FAM120B: variants seen among roughly 807,000 people sequenced by gnomAD.
FAM120B encodes constitutive coactivator of peroxisome proliferator-activated receptor gamma.
FAM120B carries 83 observed loss-of-function variants against 96.3 expected under a neutral mutation model. The observed-to-expected ratio is 0.86, with a 90% CI of 0.72 to 1.03. FAM120B has a LOEUF of 1.03. Ranked by LOEUF, FAM120B falls within the 50% of genes least tolerant of loss-of-function variation. FAM120B has a pLI of 0.00. For missense variants in FAM120B, 1,027 were observed against 1,121.2 expected, an observed-to-expected ratio of 0.92 and a Z score of 1.20; for synonymous variants, 407 against 402.7, an observed-to-expected ratio of 1.01 and a Z score of -0.13.
chr6:170,349,257 C>G (rs1787419149), intron 5 of FAM120B, among the ~76,000 whole-genome samples: 1 of 152,224 alleles, frequency 6.6e-6, no homozygotes, highest in Admixed American at 6.5e-5. Flanking sequence ...TTCACTCCTT[C>G]AAGCCATCGT....
chr6:170,401,250 A>C (rs1778567487), intron 9 of FAM120B, among the ~76,000 whole-genome samples: 1 of 152,170 alleles, frequency 6.6e-6, no homozygotes, highest in African/African-American at 2.4e-5. Context: ...TCCAGAGGCC[A>C]CCATGGTTTC....
chr6:170,300,895 C>A (rs1283721390), intron 1 of FAM120B, among the ~76,000 whole-genome samples: 1 of 147,408 alleles, frequency 6.8e-6, no homozygotes, highest in South Asian at 2.1e-4. Flanking sequence ...GCAGGGTAAA[C>A]CCCCCCCTCC....
chr6:170,300,523 T>G (rs1462957050), intron 1 of FAM120B, among the ~76,000 whole-genome samples: 2 of 152,166 alleles, frequency 1.3e-5, no homozygotes, highest in African/African-American at 4.8e-5. Context: ...AACACAATCA[T>G]ACCTGCCCAA....
chr6:170,337,771 G>T (rs1786539474), intron 4 of FAM120B, among the ~76,000 whole-genome samples: 1 of 152,150 alleles, frequency 6.6e-6, no homozygotes, highest in African/African-American at 2.4e-5. Flanking sequence ...AGGTGTATGT[G>T]TCCAGGAATT....
At chr6:170,319,444 G>A (rs749475102) in intron 2 of FAM120B, among the ~76,000 whole-genome samples, 1 of 152,144 alleles carries the variant, frequency 6.6e-6, no homozygotes, top group Non-Finnish European at 1.5e-5. Flanking sequence ...AAAGCAGGTG[G>A]GTCACCTGAG....
chr6:170,391,122 G>C lies in FAM120B; in HGVS notation c.2599+1G>C, dbSNP rs1790458388. On this transcript the variant is annotated splice_donor_variant, in intron 8 of 10. Coordinates refer to ENST00000476287, the MANE Select transcript of FAM120B (RefSeq NM_032448.3). LOFTEE classifies it high-confidence loss of function. ...GCCCACTGGGGCTCACACCACGCAG[G>C]TGGGAAAGGGCCAGGTGCCTCTAGA... 3 of 1,610,114 alleles carry C rather than the reference G, an allele frequency of 1.9e-6. No individual in the cohort carries two copies. The highest frequency in any genetic ancestry group is 2.5e-6 in the Non-Finnish European group (3 of 1,176,550).
In FAM120B at chr6:170,363,021, G is replaced by A. The variant is rs1247284765; in HGVS notation, c.2283+4703G>A. Among the ~76,000 whole-genome samples the A allele has an allele frequency of 6.6e-6, 1 of 152,002 alleles. No homozygotes were observed. Among genetic ancestry groups the A allele is most frequent in the African/African-American group, 2.4e-5 (1 of 41,388 alleles). Reference sequence around the variant, plus strand: ...TAAATGAGCTCTTGCTCTCTTTTTGGAGAAAAAGCCGAGAAATTCCTCTGC... The same window carrying A: ...TAAATGAGCTCTTGCTCTCTTTTTGAAGAAAAAGCCGAGAAATTCCTCTGC... On this transcript the variant is annotated intron_variant, in intron 6 of 10. Coordinates refer to ENST00000476287, the MANE Select transcript of FAM120B (RefSeq NM_032448.3). This position sits in a 1 kb window ranked among gnomAD's most constrained non-coding sequence, Gnocchi z 4.5.
chr6:170,301,069 C>T (rs1784130751), intron 1 of FAM120B, among the ~76,000 whole-genome samples: 1 of 152,242 alleles, frequency 6.6e-6, no homozygotes, highest in Non-Finnish European at 1.5e-5. Flanking sequence ...GATATGACCC[C>T]ACATTTCCTT....
intron 9 of FAM120B, among the ~76,000 whole-genome samples, chr6:170,402,962 T>A (rs577856683): frequency 1.3e-5 from 2 of 152,168 alleles, no homozygotes; most frequent in East Asian, 3.9e-4. Flanking sequence ...CAAAGAGTGG[T>A]GATGCGTGTG....
intron 9 of FAM120B, among the ~76,000 whole-genome samples, chr6:170,402,071 A>G (rs1440871366): frequency 1.3e-5 from 2 of 152,196 alleles, no homozygotes; most frequent in African/African-American, 2.4e-5. Flanking sequence ...GTCCCTCATC[A>G]TCTTTGCTGT....
intron 2 of FAM120B, among the ~76,000 whole-genome samples, chr6:170,320,928 G>A (rs1320600953): frequency 2.0e-5 from 3 of 152,220 alleles, no homozygotes; most frequent in Admixed American, 6.5e-5. Flanking sequence ...GGTAGAATAG[G>A]ACTAGACATA....
chr6:170,291,131 C>A (rs1299313589), upstream of FAM120B: 110 of 635,878 alleles, frequency 1.7e-4, no homozygotes, highest in Admixed American at 2.2e-3. Context: ...CCCGCCCCCC[C>A]AGTCCTCCCC....
chr6:170,318,175 ACAT>A lies in FAM120B; in HGVS notation c.789_791del (p.Ile264del), dbSNP rs1785027105. The A allele has an allele frequency of 6.2e-7, 1 of 1,614,242 alleles. No homozygotes were observed. The highest frequency in any genetic ancestry group is 8.5e-7 in the Non-Finnish European group (1 of 1,180,046). On this transcript the variant is annotated inframe_deletion, in exon 2 of 11. Coordinates refer to ENST00000476287, the MANE Select transcript of FAM120B (RefSeq NM_032448.3). ...AAAGAGAACTTTGACAAAAAAGGTA[ACAT>A]CATATTAGCTGTGTCAGACCATATA...
At chr6:170,298,720 C>T (rs1048218197) in intron 1 of FAM120B, among the ~76,000 whole-genome samples, 16 of 152,080 alleles carry the variant, frequency 1.1e-4, no homozygotes, top group African/African-American at 3.4e-4. Context: ...TGAGACTGTT[C>T]TTATTCCTGT....
intron 1 of FAM120B, among the ~76,000 whole-genome samples, chr6:170,312,982 A>G (rs1411152581): frequency 1.3e-5 from 2 of 152,202 alleles, no homozygotes; most frequent in Non-Finnish European, 2.9e-5. Context: ...TACAAGCCCC[A>G]GATTGAGGCC....
At position 170,318,544 on chromosome 6, in the gene FAM120B, C is replaced by T. The variant is rs1785063792; in HGVS notation, c.1154C>T (p.Pro385Leu). ...QEVPMCSDPE[P>L]RQEVPTCTGP... ...GTTCCCATGTGTTCAGACCCTGAAC[C>T]CAGGCAAGAAGTTCCCACGTGTACA... The change falls in exon 2 of 11, where the codon CCC becomes CTC. Residue 385 changes from proline to leucine, a missense_variant. Around this residue, in one of 3 missense-constraint regions of FAM120B, gnomAD observed 880 missense variants for 980.9 expected, o/e 0.90. Transcript: ENST00000476287. 1 of 1,470,356 alleles carries T rather than the reference C, an allele frequency of 6.8e-7. No homozygotes were observed. Among genetic ancestry groups the T allele is most frequent in the Non-Finnish European group, 9.2e-7 (1 of 1,091,902 alleles). The allele number at this position is 1,470,356 out of a possible 1,614,324, so 91.1% of individuals were successfully genotyped here.
upstream of FAM120B, among the ~76,000 whole-genome samples, chr6:170,305,764 T>C (rs1784258787): frequency 6.6e-6 from 1 of 152,200 alleles, no homozygotes; most frequent in Non-Finnish European, 1.5e-5. Context: ...TGCTTGGTTG[T>C]AGAGAAAAAG....
At position 170,405,243 on chromosome 6, in the gene FAM120B, T is replaced by G. The variant is rs4710720; in HGVS notation, c.*492T>G. On this transcript the variant is annotated 3_prime_UTR_variant, in exon 11 of 11. Transcript: ENST00000476287. ...GTATGGAATCCTACATATCTATACC[T>G]TGGCTTTTTCCTCTACGTACATACC... 0.9 allele frequency: 136,812 copies of G among 152,372 alleles called. 61,633 individuals carry two copies. Among genetic ancestry groups the G allele is most frequent in the African/African-American group, 0.97 (40,378 of 41,574 alleles). The allele number at this position is 152,372 out of a possible 1,614,324, so 9.4% of individuals were successfully genotyped here. A position where few individuals can be genotyped will look rare whatever the true frequency, so the allele number is the denominator to read the frequency against.
Position 170,318,460 on chromosome 6 carries a change from C to T in FAM120B, c.1070C>T (p.Thr357Ile), listed in dbSNP as rs575464802. Reference sequence around the variant, plus strand: ...TCCAGGCAAGAAGTTCCCATGTGTACAGGCCCTGAATCCAGGCGAGAAGTT... The same window carrying T: ...TCCAGGCAAGAAGTTCCCATGTGTATAGGCCCTGAATCCAGGCGAGAAGTT... ...AESRQEVPMC[T>I]GPESRREVPV... is the part of the protein sequence containing the mutation. The change falls in exon 2 of 11, where the codon ACA becomes ATA. Residue 357 changes from threonine to isoleucine, a missense_variant. By Grantham distance (89) the Thr-to-Ile change is moderately conservative. Coordinates refer to ENST00000476287, the MANE Select transcript of FAM120B (RefSeq NM_032448.3). 1.9e-6 allele frequency: 3 copies of T among 1,604,132 alleles called. No homozygotes were observed. The highest frequency in any genetic ancestry group is 2.2e-5 in the South Asian group (2 of 90,620).
Sources: allele counts gnomAD v4.1 joint callset (sites outside exome capture counted in the v4.1 genomes callset), GRCh38; gene constraint gnomAD v4.1.1; regional missense constraint gnomAD v4.1.1; non-coding constraint Gnocchi (gnomAD v3.1); transcripts MANE v1.5; gene names NCBI Gene and HGNC (gene_info 2026-07-23, HGNC 2026-07-21).